The following SCFD2 variants were observed in gnomAD, a reference collection of about 807,000 sequenced individuals.
SCFD2 encodes the protein sec1 family domain containing 2.
In SCFD2, 54 loss-of-function variants were observed where a neutral mutation model predicts 58.9. The observed-to-expected ratio is 0.92, with a 90% CI of 0.74 to 1.15. The LOEUF is 1.15. SCFD2 is among the 50% of genes most tolerant of loss of function. The probability of loss-of-function intolerance (pLI) is 0.00; values close to 1 mark genes in which losing one functional copy is unlikely to be tolerated. For missense variants in SCFD2, 805 were observed against 836.6 expected (o/e 0.96, Z 0.47); for synonymous variants, 321 against 335.9 (o/e 0.96, Z 0.49).
At chr4:53,093,793 T>A (rs1256032444) in intron 5 of SCFD2, among the ~76,000 whole-genome samples, 1 of 152,040 alleles carries the variant, frequency 6.6e-6, no homozygotes, top group African/African-American at 2.4e-5. Flanking sequence ...GAGATGTATA[T>A]CTTTGCAGGA....
At chr4:53,146,885 A>G (rs937392595) in intron 4 of SCFD2, among the ~76,000 whole-genome samples, 5 of 152,218 alleles carry the variant, frequency 3.3e-5, no homozygotes, top group African/African-American at 1.2e-4. Flanking sequence ...ATAGAAAAAA[A>G]CACAGTATAT....
chr4:53,068,323 C>T (rs999017303), intron 5 of SCFD2, among the ~76,000 whole-genome samples: 3 of 152,030 alleles, frequency 2.0e-5, no homozygotes, highest in African/African-American at 7.2e-5. Context: ...AAAATCTGTT[C>T]CTCTTGTTTC....
At chr4:52,934,046 AC>A (rs1164216990) in intron 5 of SCFD2, among the ~76,000 whole-genome samples, 1 of 152,196 alleles carries the variant, frequency 6.6e-6, no homozygotes, top group Admixed American at 6.5e-5. Flanking sequence ...AGAACCATAC[AC>A]TTCTATTGTT....
Position 53,264,668 on chromosome 4 carries a change from G to T in SCFD2, c.1311+9158C>A, listed in dbSNP as rs1225107920. 3.3e-5 allele frequency among the ~76,000 whole-genome samples: 5 copies of T among 152,322 alleles called. No individual in the cohort carries two copies. The East Asian group carries it at 9.6e-4, about 29-fold the overall frequency. ...TCATATTTCCAAGCCAAGCCATATG[G>T]CGTGAGAGCTAATAGAGGCACTAGA... On this transcript the variant is annotated intron_variant, in intron 4 of 8. Transcript: ENST00000401642.
At chr4:53,271,435 C>CTTTATTTA (rs10524620) in intron 4 of SCFD2, among the ~76,000 whole-genome samples, 63,103 of 139,172 alleles carry the variant, frequency 0.45, 15,335 homozygotes, top group Admixed American at 0.55. Context: ...ACATACATCA[C>CTTTATTTA]TTTATTTATT....
chr4:53,047,207 A>G (rs1000271648), intron 5 of SCFD2, among the ~76,000 whole-genome samples: 9 of 152,276 alleles, frequency 5.9e-5, no homozygotes, highest in South Asian at 4.1e-4. Flanking sequence ...CAGCACTTTG[A>G]GAGGCTGAGG....
intron 5 of SCFD2, among the ~76,000 whole-genome samples, chr4:52,943,465 A>G (rs1216150123): frequency 2.0e-5 from 3 of 152,114 alleles, no homozygotes; most frequent in South Asian, 4.1e-4. Context: ...CACAGGGCGG[A>G]ACCAGGTGTA....
At chr4:53,032,085 G>C (rs1437650515) in intron 5 of SCFD2, among the ~76,000 whole-genome samples, 3 of 152,304 alleles carry the variant, frequency 2.0e-5, no homozygotes, top group Non-Finnish European at 2.9e-5. Context: ...AGTAACAGTG[G>C]ATCTCTTGGC....
intron 3 of SCFD2, among the ~76,000 whole-genome samples, chr4:53,292,065 TAAAACTATAAAACCC>T (rs1376709068): frequency 6.6e-6 from 1 of 151,600 alleles, no homozygotes; most frequent in African/African-American, 2.4e-5. Context: ...CCCAAAACTA[TAAAACTATAAAACCC>T]AAAACTATAA....
At chr4:53,227,752 A>G (rs1329728494) in intron 4 of SCFD2, among the ~76,000 whole-genome samples, 1 of 152,152 alleles carries the variant, frequency 6.6e-6, no homozygotes, top group Non-Finnish European at 1.5e-5. Context: ...CAGGGTATAT[A>G]TTTATTCATA....
intron 2 of SCFD2, among the ~76,000 whole-genome samples, chr4:53,344,969 A>T (rs939852314): frequency 2.0e-5 from 3 of 152,226 alleles, no homozygotes; most frequent in Non-Finnish European, 4.4e-5. Flanking sequence ...TAAAGACTTA[A>T]ATATTAGGCC....
intron 8 of SCFD2, among the ~76,000 whole-genome samples, chr4:52,876,568 G>T (rs1404382374): frequency 6.6e-6 from 1 of 151,864 alleles, no homozygotes; most frequent in East Asian, 1.9e-4. Flanking sequence ...TGGGCAACAT[G>T]GTGAAACCCC....
chr4:52,932,530 A>C (rs980821446), intron 5 of SCFD2, among the ~76,000 whole-genome samples: 3 of 152,176 alleles, frequency 2.0e-5, no homozygotes, highest in Non-Finnish European at 2.9e-5. Flanking sequence ...TATCGGGGGA[A>C]TAGTAGTGTC....
intron 8 of SCFD2, among the ~76,000 whole-genome samples, chr4:52,874,725 T>C (rs1718432073): frequency 6.6e-6 from 1 of 152,218 alleles, no homozygotes; most frequent in African/African-American, 2.4e-5. Context: ...TGCATGTCTG[T>C]TGCTGTGTCC....
chr4:53,127,302 A>G (rs551582342), intron 5 of SCFD2, among the ~76,000 whole-genome samples: 1 of 152,338 alleles, frequency 6.6e-6, no homozygotes, highest in East Asian at 1.9e-4. Flanking sequence ...AACTTGCAAC[A>G]TATTTGCCCT....
chr4:53,236,469 T>C (rs1729614868), intron 4 of SCFD2, among the ~76,000 whole-genome samples: 1 of 149,850 alleles, frequency 6.7e-6, no homozygotes. Context: ...TATATATATA[T>C]CCCATTAGTT....
chr4:53,072,914 C>G (rs978143235), intron 5 of SCFD2, among the ~76,000 whole-genome samples: 1 of 152,086 alleles, frequency 6.6e-6, no homozygotes, highest in African/African-American at 2.4e-5. Flanking sequence ...ACAGTGATGT[C>G]GCTTCATTAG....
chr4:53,293,537 A>G (rs1731916519), intron 3 of SCFD2, among the ~76,000 whole-genome samples: 1 of 152,188 alleles, frequency 6.6e-6, no homozygotes, highest in East Asian at 1.9e-4. Context: ...CCTCATGATC[A>G]TCTCAAATGA....
intron 4 of SCFD2, among the ~76,000 whole-genome samples, chr4:53,201,349 T>C (rs968768659): frequency 6.6e-6 from 1 of 152,188 alleles, no homozygotes; most frequent in African/African-American, 2.4e-5. Context: ...ACAAAGGACA[T>C]GAACTCATCC....
Sources: gnomAD v4.1 joint callset for allele counts (sites outside exome capture counted in the v4.1 genomes callset) on GRCh38, gnomAD v4.1.1 for gene constraint, MANE v1.5 for transcripts, NCBI Gene and HGNC (gene_info 2026-07-23, HGNC 2026-07-21) for gene names.